The following GALNTL6 variants were observed in gnomAD, a reference collection of about 807,000 sequenced individuals.
The protein encoded by GALNTL6 is polypeptide N-acetylgalactosaminyltransferase like 6, also known as polypeptide N-acetylgalactosaminyltransferase-like 6.
Under a neutral mutation model 73.7 loss-of-function variants are expected in GALNTL6, and 46 were observed. The observed-to-expected ratio is 0.62, with a 90% CI of 0.49 to 0.80. GALNTL6 has a LOEUF of 0.80. Among genes scored for constraint, GALNTL6 ranks in the 30% least tolerant of loss-of-function variants. The pLI is 0.00. For synonymous variants in GALNTL6, 259 were observed against 263.7 expected (o/e 0.98, Z 0.17); for missense variants, 604 against 755.0 (o/e 0.80, Z 2.34).
At chr4:172,697,582 G>A (rs1281502855) in intron 5 of GALNTL6, among the ~76,000 whole-genome samples, 2 of 152,268 alleles carry the variant, frequency 1.3e-5, no homozygotes, top group Admixed American at 1.3e-4. Context: ...ACAAGGACAA[G>A]TAGATTACAA....
chr4:172,268,291 T>C (rs1308282523), intron 3 of GALNTL6, among the ~76,000 whole-genome samples: 2 of 152,168 alleles, frequency 1.3e-5, no homozygotes, highest in African/African-American at 4.8e-5. Flanking sequence ...AGGTTTATTA[T>C]GGAATGCTCT....
intron 2 of GALNTL6, among the ~76,000 whole-genome samples, chr4:172,076,169 TTA>T (rs2110912359): frequency 6.6e-6 from 1 of 152,340 alleles, no homozygotes; most frequent in East Asian, 1.9e-4. Context: ...TATTGAGAAT[TTA>T]TGTTTCTCTG....
intron 5 of GALNTL6, among the ~76,000 whole-genome samples, chr4:172,684,722 C>T (rs1732820553): frequency 6.6e-6 from 1 of 152,068 alleles, no homozygotes; most frequent in Non-Finnish European, 1.5e-5. Context: ...AGTGGAATGG[C>T]CTAGAACTCC....
intron 2 of GALNTL6, among the ~76,000 whole-genome samples, chr4:171,908,083 G>A (rs1737350933): frequency 6.6e-6 from 1 of 152,096 alleles, no homozygotes; most frequent in African/African-American, 2.4e-5. Flanking sequence ...ACATAGGCAT[G>A]GGCAAGGACT....
At chr4:172,339,709 G>T (rs555200819) in intron 4 of GALNTL6, among the ~76,000 whole-genome samples, 9 of 152,166 alleles carry the variant, frequency 5.9e-5, no homozygotes, top group Non-Finnish European at 1.2e-4. Flanking sequence ...GAAACAAAGG[G>T]CTCTCCCTTG....
chr4:172,760,899 G>A (rs1284727577), intron 5 of GALNTL6, among the ~76,000 whole-genome samples: 1 of 152,138 alleles, frequency 6.6e-6, no homozygotes, highest in African/African-American at 2.4e-5. Flanking sequence ...TAACCCGAAC[G>A]GTTGCCTAAA....
chr4:172,054,161 C>T (rs1730955256), intron 2 of GALNTL6, among the ~76,000 whole-genome samples: 1 of 151,904 alleles, frequency 6.6e-6, no homozygotes, highest in Admixed American at 6.6e-5. Flanking sequence ...AATATTCATA[C>T]TTAATTTTTC....
At chr4:172,008,673 A>G (rs1740907535) in intron 2 of GALNTL6, among the ~76,000 whole-genome samples, 1 of 152,136 alleles carries the variant, frequency 6.6e-6, no homozygotes, top group Non-Finnish European at 1.5e-5. Flanking sequence ...GTCACTGTCC[A>G]GCCTTCAGGC....
intron 2 of GALNTL6, among the ~76,000 whole-genome samples, chr4:172,045,458 C>T (rs1240019244): frequency 2.0e-5 from 3 of 151,924 alleles, no homozygotes; most frequent in African/African-American, 7.2e-5. Context: ...ATATCATAAA[C>T]ATTATAAGTC....
At position 172,336,272 on chromosome 4, in the gene GALNTL6, TTTG is replaced by T. The variant is rs1481142197; in HGVS notation, c.387-12248_387-12246del. On this transcript the variant is annotated intron_variant, in intron 4 of 12. Transcript: ENST00000506823. ...AGAACTCTTCTTGGTATAGTTTTGT[TTTG>T]TTTTTTTTTTTTTTTGACTGAGTCT... is the stretch of plus-strand genomic sequence containing the variant. Among the ~76,000 whole-genome samples the T allele has an allele frequency of 3.8e-5, 5 of 131,098 alleles. 1 individual carries two copies. The highest frequency in any genetic ancestry group is 1.5e-4 in the Admixed American group (2 of 13,170). 86.0% of individuals were successfully genotyped at this position (131,098 alleles called of 152,430 possible).
At chr4:172,976,883 A>C (rs1750836271) in intron 10 of GALNTL6, among the ~76,000 whole-genome samples, 1 of 148,468 alleles carries the variant, frequency 6.7e-6, no homozygotes, top group Admixed American at 6.7e-5. Flanking sequence ...GGCTGAGATC[A>C]ACACCAAAAT....
intron 5 of GALNTL6, among the ~76,000 whole-genome samples, chr4:172,528,317 AAAATATATATATATATAT>A (rs1466764310): frequency 0.022 from 2,611 of 118,530 alleles, 99 homozygotes; most frequent in African/African-American, 0.083. Context: ...TGCTAGAAAT[AAAATATATATATATATAT>A]ATATATATAT....
intron 3 of GALNTL6, among the ~76,000 whole-genome samples, chr4:172,308,851 C>T (rs1392033794): frequency 6.6e-6 from 1 of 152,106 alleles, no homozygotes; most frequent in Non-Finnish European, 1.5e-5. Context: ...CTTTTATTTA[C>T]TTACATGTAA....
intron 2 of GALNTL6, among the ~76,000 whole-genome samples, chr4:171,960,285 A>AT (rs368283405): frequency 9.8e-4 from 149 of 151,662 alleles, no homozygotes; most frequent in African/African-American, 3.2e-3. Context: ...TTTTTCTCTT[A>AT]TTTTTTTTGG....
At chr4:171,963,052 C>T (rs192144340) in intron 2 of GALNTL6, among the ~76,000 whole-genome samples, 1 of 148,378 alleles carries the variant, frequency 6.7e-6, no homozygotes, top group East Asian at 2.0e-4. Flanking sequence ...TGGTGTGAGC[C>T]ACTGCGCCCA....
Position 172,532,850 on chromosome 4 carries a change from T to C in GALNTL6, c.553+184161T>C, listed in dbSNP as rs566611723. On this transcript the variant is annotated intron_variant, in intron 5 of 12. Transcript: ENST00000506823. ...AATTGCACTAGATAAGTTGAACTCTTAACGGACAGACTTAAATTATGGACT... is the reference window on the plus strand; with the variant it reads ...AATTGCACTAGATAAGTTGAACTCTCAACGGACAGACTTAAATTATGGACT... 8.5e-5 allele frequency among the ~76,000 whole-genome samples: 13 copies of C among 152,218 alleles called. No homozygotes were observed. The East Asian group carries it at 1.9e-3, about 23-fold the overall frequency.
intron 2 of GALNTL6, among the ~76,000 whole-genome samples, chr4:171,972,574 C>G (rs1184931897): frequency 2.0e-5 from 3 of 151,860 alleles, no homozygotes; most frequent in African/African-American, 7.3e-5. Flanking sequence ...GAAGATTCTA[C>G]TATATTTTTT....
chr4:172,512,811 G>A (rs1361205373), intron 5 of GALNTL6, among the ~76,000 whole-genome samples: 1 of 152,144 alleles, frequency 6.6e-6, no homozygotes. Context: ...TGAGAAATCT[G>A]CCGTTAATCT....
At chr4:172,728,226 A>C (rs1162423648) in intron 5 of GALNTL6, among the ~76,000 whole-genome samples, 3 of 152,174 alleles carry the variant, frequency 2.0e-5, no homozygotes, top group Non-Finnish European at 4.4e-5. Context: ...TGTACAATTC[A>C]GTGGTAATAA....
Sources: allele counts gnomAD v4.1 joint callset (sites outside exome capture counted in the v4.1 genomes callset), GRCh38; gene constraint gnomAD v4.1.1; transcripts MANE v1.5; gene names NCBI Gene and HGNC (gene_info 2026-07-23, HGNC 2026-07-21).